The following SLCO6A1 variants were observed in gnomAD, a reference collection of about 807,000 sequenced individuals.
SLCO6A1 encodes the protein cancer/testis antigen 48.
A neutral mutation model predicts 72.7 loss-of-function variants in SLCO6A1; 65 were observed. The ratio of observed to expected loss-of-function variants is 0.89; its 90% confidence interval spans 0.73 to 1.10. The LOEUF (loss-of-function observed/expected upper bound fraction) is 1.10, where lower values mean the gene tolerates loss of function less well. Ranked by LOEUF, SLCO6A1 falls within the 50% of genes least tolerant of loss-of-function variation. The probability of loss-of-function intolerance (pLI) is 0.00; values close to 1 mark genes in which losing one functional copy is unlikely to be tolerated. For missense variants in SLCO6A1, 874 were observed against 872.6 expected (o/e 1.00, Z -0.02); for synonymous variants, 314 against 298.2 (o/e 1.05, Z -0.55).
At position 102,409,186 on chromosome 5, in the gene SLCO6A1, A is replaced by G. The variant is rs139278667; in HGVS notation, c.1626+3804T>C. ...GGAATATTATCAATATCAACAGCAG[A>G]TATCTATTTTCAGTTTTAGTACAGC... On this transcript the variant is annotated intron_variant, in intron 9 of 13. Transcript: ENST00000506729. Among the ~76,000 whole-genome samples the G allele has an allele frequency of 3.0e-4, 46 of 152,270 alleles. 1 individual carries two copies. The East Asian group carries it at 4.8e-3, about 16-fold the overall frequency.
chr5:102,461,929 T>C (rs946012031), intron 4 of SLCO6A1, among the ~76,000 whole-genome samples: 1 of 152,058 alleles, frequency 6.6e-6, no homozygotes, highest in Non-Finnish European at 1.5e-5. Context: ...AAAGAGGAAG[T>C]CAAACTGTTA....
At chr5:102,442,914 T>G (rs1233533015) in intron 6 of SLCO6A1, among the ~76,000 whole-genome samples, 1 of 151,662 alleles carries the variant, frequency 6.6e-6, no homozygotes, top group Admixed American at 6.6e-5. Flanking sequence ...ATACAAAAAT[T>G]AGGCTGGGTG....
chr5:102,444,606 A>T (rs769491664), intron 6 of SLCO6A1, among the ~76,000 whole-genome samples: 3 of 151,630 alleles, frequency 2.0e-5, no homozygotes, highest in African/African-American at 7.3e-5. Flanking sequence ...GCAAATTTAA[A>T]TTTTTTTTTG....
intron 12 of SLCO6A1, among the ~76,000 whole-genome samples, chr5:102,378,285 C>T (rs1745919193): frequency 6.6e-6 from 1 of 151,914 alleles, no homozygotes; most frequent in South Asian, 2.1e-4. Flanking sequence ...AAGCTGGAAA[C>T]CATCATTCTC....
chr5:102,412,188 C>A (rs1748024773), intron 9 of SLCO6A1, among the ~76,000 whole-genome samples: 1 of 149,770 alleles, frequency 6.7e-6, no homozygotes, highest in African/African-American at 2.5e-5. Flanking sequence ...TTCAAATTGT[C>A]CCGCCTTTCT....
At chr5:102,399,520 T>G in intron 10 of SLCO6A1, 35 bp downstream of exon 10, 1 of 1,242,418 alleles carries the variant, frequency 8.0e-7, no homozygotes, top group Non-Finnish European at 1.0e-6. Context: ...TCTTATATAT[T>G]AAATAAACAA....
At chr5:102,382,807 T>A (rs953070749) in intron 12 of SLCO6A1, among the ~76,000 whole-genome samples, 1 of 151,362 alleles carries the variant, frequency 6.6e-6, no homozygotes, top group African/African-American at 2.4e-5. Flanking sequence ...GAACTACTAC[T>A]GGTTTTTAAA....
rs116195912 is a variant in SLCO6A1 at position 102,491,482 on chromosome 5, C to T, written c.358+7005G>A. Among the ~76,000 whole-genome samples, 1,248 of 152,334 alleles carry T rather than the reference C, an allele frequency of 8.2e-3. 12 individuals carry two copies. The highest frequency in any genetic ancestry group is 0.015 in the Non-Finnish European group (1,011 of 68,008). ...GAGGCTTGGGCCACACATGAGCCCA[C>T]GGAGGTGGGGGAGGCTCAGGCATGG... On this transcript the variant is annotated intron_variant, in intron 1 of 13. Coordinates refer to ENST00000506729, the MANE Select transcript of SLCO6A1 (RefSeq NM_173488.5).
chr5:102,377,603 A>C (rs75119073), intron 12 of SLCO6A1, among the ~76,000 whole-genome samples: 1 of 151,582 alleles, frequency 6.6e-6, no homozygotes, highest in African/African-American at 2.4e-5. Flanking sequence ...ATTACACCTC[A>C]GTTTTTTTTA....
intron 9 of SLCO6A1, among the ~76,000 whole-genome samples, chr5:102,406,323 A>C (rs1747663291): frequency 6.6e-6 from 1 of 152,130 alleles, no homozygotes. Context: ...ATAATGATTT[A>C]ATATCATGCA....
intron 4 of SLCO6A1, among the ~76,000 whole-genome samples, chr5:102,470,194 C>T (rs1201776393): frequency 2.0e-5 from 3 of 152,200 alleles, no homozygotes; most frequent in East Asian, 1.9e-4. Context: ...AGAGAGGATT[C>T]CCTCTTTTTC....
chr5:102,438,559 A>G lies in SLCO6A1; in HGVS notation c.1276+58T>C, dbSNP rs145311670. 2,164 of 1,307,964 alleles carry G rather than the reference A, an allele frequency of 1.7e-3. 20 individuals carry two copies. In the East Asian group the frequency reaches 0.021, roughly 13 times the overall value. 81.0% of individuals were successfully genotyped at this position (1,307,964 alleles called of 1,614,324 possible). A position where few individuals can be genotyped will look rare whatever the true frequency, so the allele number is the denominator to read the frequency against. On this transcript the variant is annotated intron_variant, in intron 7 of 13. Coordinates refer to ENST00000506729, the MANE Select transcript of SLCO6A1 (RefSeq NM_173488.5). ...TTTTATTTATTTCAAGTATTTCATAAGTACATACAATAAGACAGTGCAAAA... is the reference window on the plus strand; with the variant it reads ...TTTTATTTATTTCAAGTATTTCATAGGTACATACAATAAGACAGTGCAAAA...
intron 10 of SLCO6A1, among the ~76,000 whole-genome samples, chr5:102,391,572 G>C (rs186591477): frequency 6.6e-6 from 1 of 151,954 alleles, no homozygotes; most frequent in Admixed American, 6.6e-5. Flanking sequence ...CCTCCCAGCA[G>C]TTACCCAGGG....
chr5:102,427,840 G>GTGTATA (rs1748980248), intron 7 of SLCO6A1, among the ~76,000 whole-genome samples: 3 of 102,748 alleles, frequency 2.9e-5, no homozygotes, highest in Non-Finnish European at 6.0e-5. Context: ...GTGTGTGTAT[G>GTGTATA]TATACATATA....
intron 9 of SLCO6A1, among the ~76,000 whole-genome samples, chr5:102,404,143 T>C (rs1747544382): frequency 1.3e-5 from 2 of 152,210 alleles, no homozygotes. Context: ...TGGAAAATAC[T>C]GCATCTAAGA....
intron 12 of SLCO6A1, among the ~76,000 whole-genome samples, chr5:102,377,706 C>T (rs1745879832): frequency 6.6e-6 from 1 of 151,810 alleles, no homozygotes; most frequent in South Asian, 2.1e-4. Flanking sequence ...CAATCTCACT[C>T]TGTCACCCAG....
At chr5:102,452,107 A>T (rs2112728342) in intron 6 of SLCO6A1, among the ~76,000 whole-genome samples, 1 of 152,308 alleles carries the variant, frequency 6.6e-6, no homozygotes, top group East Asian at 1.9e-4. Flanking sequence ...AGTTCACAAT[A>T]TGTTTAATAT....
At chr5:102,375,793 A>G (rs58644688) in intron 12 of SLCO6A1, among the ~76,000 whole-genome samples, 35,245 of 152,032 alleles carry the variant, frequency 0.23, 4,281 homozygotes, top group South Asian at 0.29. Context: ...TACATGAAAT[A>G]GTATCAAGTG....
intron 5 of SLCO6A1, 56 bp from the exon 6 acceptor site, chr5:102,458,547 C>T (rs775950885): frequency 1.9e-5 from 23 of 1,229,886 alleles, no homozygotes; most frequent in African/African-American, 3.0e-5. Flanking sequence ...AAAACCCATA[C>T]ATAAAACCTA....
Sources: allele counts gnomAD v4.1 joint callset (sites outside exome capture counted in the v4.1 genomes callset), GRCh38; gene constraint gnomAD v4.1.1; transcripts MANE v1.5; gene names NCBI Gene and HGNC (gene_info 2026-07-23, HGNC 2026-07-21).